The following EIF2AK4 variants were observed in gnomAD, a reference collection of about 807,000 sequenced individuals.
The protein encoded by EIF2AK4 is eIF-2-alpha kinase GCN2.
In EIF2AK4, 139 loss-of-function variants were observed where a neutral mutation model predicts 211.1. The observed-to-expected ratio is 0.66, with a 90% CI of 0.57 to 0.76. EIF2AK4 has a LOEUF of 0.76. EIF2AK4 is among the 30% of genes least tolerant of loss of function. EIF2AK4 has a pLI of 0.00. For missense variants in EIF2AK4, 1,664 were observed against 2,043.8 expected, an observed-to-expected ratio of 0.81 and a Z score of 3.58; for synonymous variants, 710 against 751.3, an observed-to-expected ratio of 0.94 and a Z score of 0.90.
At position 39,990,522 on chromosome 15, in the gene EIF2AK4, G is replaced by A. The variant is rs1469819161; in HGVS notation, c.2631+145G>A. On this transcript the variant is annotated intron_variant, in intron 16 of 38. Transcript: ENST00000263791. Reference sequence around the variant, plus strand: ...TTATACAAACCTGAAGGGGTATGCTGCAAATGATCTTGTAGGCTTTGCAAT... The same window carrying A: ...TTATACAAACCTGAAGGGGTATGCTACAAATGATCTTGTAGGCTTTGCAAT... 2.1e-5 allele frequency: 15 copies of A among 704,096 alleles called. No individual in the cohort carries two copies. The Admixed American group carries it at 3.7e-4, about 17-fold the overall frequency. The allele number at this position is 704,096 out of a possible 1,614,324, so 43.6% of individuals were successfully genotyped here. A position where few individuals can be genotyped will look rare whatever the true frequency, so the allele number is the denominator to read the frequency against.
chr15:39,942,723 AGT>A (rs2034163799), intron 2 of EIF2AK4, among the ~76,000 whole-genome samples: 1 of 152,192 alleles, frequency 6.6e-6, no homozygotes, highest in East Asian at 1.9e-4. Context: ...AGGTGCAGAG[AGT>A]GTGCATGACT....
chr15:40,001,274 G>C, intron 21 of EIF2AK4, 50 bp downstream of exon 21: 2 of 1,573,426 alleles, frequency 1.3e-6, no homozygotes, highest in Non-Finnish European at 1.7e-6. Flanking sequence ...GTCCACAAAA[G>C]GATCAAGCCA....
intron 29 of EIF2AK4, among the ~76,000 whole-genome samples, chr15:40,018,846 T>G (rs1187712481): frequency 6.6e-6 from 1 of 152,226 alleles, no homozygotes; most frequent in Non-Finnish European, 1.5e-5. Context: ...TTTCAAATAC[T>G]CAGTAGTCAC....
At chr15:39,971,451 G>A (rs1595401309) in intron 9 of EIF2AK4, among the ~76,000 whole-genome samples, 1 of 152,300 alleles carries the variant, frequency 6.6e-6, no homozygotes. Flanking sequence ...TTGAACCTGG[G>A]AGGTAGAGGT....
intron 13 of EIF2AK4, among the ~76,000 whole-genome samples, chr15:39,979,050 G>A (rs1477442791): frequency 6.6e-6 from 1 of 152,210 alleles, no homozygotes; most frequent in African/African-American, 2.4e-5. Context: ...ACAAGACTAA[G>A]TCTGTGCCTG....
intron 6 of EIF2AK4, 73 bp from the exon 7 acceptor site, chr15:39,961,711 C>A: frequency 1.7e-6 from 2 of 1,204,882 alleles, no homozygotes; most frequent in Non-Finnish European, 2.4e-6. Flanking sequence ...TAATCTATAA[C>A]ATTCCTATGT....
intron 3 of EIF2AK4, among the ~76,000 whole-genome samples, chr15:39,945,827 G>A (rs142580053): frequency 4.6e-5 from 7 of 152,286 alleles, no homozygotes; most frequent in African/African-American, 1.4e-4. Context: ...TTCCAGGACC[G>A]TTAAGAATTA....
intron 23 of EIF2AK4, among the ~76,000 whole-genome samples, chr15:40,004,954 C>G (rs562163654): frequency 2.6e-5 from 4 of 152,264 alleles, no homozygotes; most frequent in African/African-American, 9.6e-5. Flanking sequence ...TCCACATCCA[C>G]GTATCCAGCC....
At chr15:39,934,368 T>C (rs754923649) in intron 1 of EIF2AK4, 29 bp downstream of exon 1, 53 of 1,582,854 alleles carry the variant, frequency 3.3e-5, no homozygotes, top group Non-Finnish European at 4.5e-5. Flanking sequence ...AGGCCCGGGC[T>C]GGCGTGCCCT....
At chr15:39,970,248 G>T (rs1055474110) in intron 9 of EIF2AK4, among the ~76,000 whole-genome samples, 1 of 152,122 alleles carries the variant, frequency 6.6e-6, no homozygotes, top group East Asian at 1.9e-4. Flanking sequence ...TTGATTCAGA[G>T]AAGTTCATTT....
chr15:39,939,392 T>C, intron 1 of EIF2AK4, 113 bp from the exon 2 acceptor site: 1 of 567,884 alleles, frequency 1.8e-6, no homozygotes, highest in South Asian at 4.4e-5. Context: ...ATTTAAAATA[T>C]AATTACAAAT....
At chr15:39,994,819 C>CA (rs1383778530) in intron 18 of EIF2AK4, among the ~76,000 whole-genome samples, 1 of 152,064 alleles carries the variant, frequency 6.6e-6, no homozygotes, top group Non-Finnish European at 1.5e-5. Context: ...TGAGTGTGGG[C>CA]AGACACCTTT....
At chr15:40,017,302 A>G (rs2035316050) in intron 29 of EIF2AK4, 60 bp downstream of exon 29, 7 of 1,518,672 alleles carry the variant, frequency 4.6e-6, no homozygotes, top group Non-Finnish European at 3.6e-6. Context: ...TAAACTTGTT[A>G]TTTTGAAATT....
intron 27 of EIF2AK4, among the ~76,000 whole-genome samples, chr15:40,014,024 T>C (rs1200565618): frequency 6.6e-6 from 1 of 152,182 alleles, no homozygotes; most frequent in Non-Finnish European, 1.5e-5. Flanking sequence ...CCATTCCAAA[T>C]GGGAGAAATT....
chr15:39,938,492 A>C (rs1280460987), intron 1 of EIF2AK4, among the ~76,000 whole-genome samples: 1 of 152,242 alleles, frequency 6.6e-6, no homozygotes, highest in East Asian at 1.9e-4. Context: ...GTTAGAATTT[A>C]GTATTATAAG....
intron 14 of EIF2AK4, 126 bp downstream of exon 14, chr15:39,986,014 G>T: frequency 1.3e-6 from 1 of 788,342 alleles, no homozygotes; most frequent in Non-Finnish European, 2.0e-6. Flanking sequence ...AGATTAATTG[G>T]CCGAGAGGAT....
chr15:39,957,441 C>T (rs1296707541), intron 6 of EIF2AK4, among the ~76,000 whole-genome samples: 4 of 152,228 alleles, frequency 2.6e-5, no homozygotes, highest in African/African-American at 7.2e-5. Flanking sequence ...ACTACTCAAC[C>T]TCTGGCATTT....
chr15:40,014,642 G>T (rs952934445), intron 27 of EIF2AK4, among the ~76,000 whole-genome samples: 1 of 152,184 alleles, frequency 6.6e-6, no homozygotes, highest in South Asian at 2.1e-4. Flanking sequence ...TGATGGGAGG[G>T]CCTGCCATGA....
intron 31 of EIF2AK4, chr15:40,021,795 G>A (rs1172244831): frequency 1.3e-5 from 2 of 152,356 alleles, no homozygotes; most frequent in African/African-American, 4.8e-5. Context: ...CACTAAAGGT[G>A]CCCCAGAGCA....
Sources: allele counts gnomAD v4.1 joint callset (sites outside exome capture counted in the v4.1 genomes callset), GRCh38; gene constraint gnomAD v4.1.1; transcripts MANE v1.5; gene names NCBI Gene and HGNC (gene_info 2026-07-23, HGNC 2026-07-21).